Variants in SERPINB10 observed in about 807,000 individuals in gnomAD.
SERPINB10 encodes the protein serpin family B member 10, also known as serpin B10.
A neutral mutation model predicts 39.1 loss-of-function variants in SERPINB10; 35 were observed. That is an observed-to-expected ratio of 0.90 (90% CI 0.68 to 1.19). The LOEUF is 1.19. Ranked by LOEUF, SERPINB10 falls within the 50% of genes most tolerant of loss-of-function variation. SERPINB10 has a pLI of 0.00. For missense variants in SERPINB10, 546 were observed against 460.5 expected, an observed-to-expected ratio of 1.19 and a Z score of -1.70; for synonymous variants, 190 against 158.1, an observed-to-expected ratio of 1.20 and a Z score of -1.52.
intron 1 of SERPINB10, among the ~76,000 whole-genome samples, chr18:63,910,924 G>A (rs567567143): frequency 2.1e-4 from 32 of 151,958 alleles, no homozygotes; most frequent in African/African-American, 7.5e-4. Context: ...CATCAACAGT[G>A]TACCCTTTTC....
At chr18:63,920,571 T>A (rs1405950906) in intron 5 of SERPINB10, among the ~76,000 whole-genome samples, 1 of 151,890 alleles carries the variant, frequency 6.6e-6, no homozygotes, top group Non-Finnish European at 1.5e-5. Flanking sequence ...CAGCAGGAAG[T>A]GGGGAAAAGA....
chr18:63,926,969 C>T (rs62097496), intron 5 of SERPINB10, among the ~76,000 whole-genome samples: 1 of 151,856 alleles, frequency 6.6e-6, no homozygotes, highest in Non-Finnish European at 1.5e-5. Context: ...TAATTTTTAG[C>T]GTAATAGTGT....
chr18:63,908,534 C>A (rs1482468926), intron 1 of SERPINB10, among the ~76,000 whole-genome samples: 1 of 152,026 alleles, frequency 6.6e-6, no homozygotes, highest in Admixed American at 6.6e-5. Flanking sequence ...GTTACCCCCA[C>A]AAACCCAAAA....
At chr18:63,910,862 C>T (rs2144716689) in intron 1 of SERPINB10, among the ~76,000 whole-genome samples, 1 of 151,884 alleles carries the variant, frequency 6.6e-6, no homozygotes, top group African/African-American at 2.4e-5. Flanking sequence ...TTCTAACTTC[C>T]TTGGGAAATC....
chr18:63,908,171 C>A (rs2050039053), intron 1 of SERPINB10, 131 bp downstream of exon 1: 1 of 191,562 alleles, frequency 5.2e-6, no homozygotes, highest in Admixed American at 6.4e-5. Flanking sequence ...AAGGCCCAAT[C>A]CCTTAAGAAT....
At chr18:63,926,271 G>A (rs147924329) in intron 5 of SERPINB10, among the ~76,000 whole-genome samples, 2 of 152,008 alleles carry the variant, frequency 1.3e-5, no homozygotes, top group African/African-American at 4.8e-5. Flanking sequence ...GCTTCCTCTT[G>A]TTATCTGTAT....
At chr18:63,930,272 G>T (rs375848816) in intron 6 of SERPINB10, 85 bp downstream of exon 6, 1 of 1,429,836 alleles carries the variant, frequency 7.0e-7, no homozygotes, top group Non-Finnish European at 9.6e-7. Flanking sequence ...CTTTTAGATT[G>T]TATGTTCTAG....
intron 6 of SERPINB10, among the ~76,000 whole-genome samples, chr18:63,931,926 C>T (rs1305692817): frequency 1.3e-5 from 2 of 152,164 alleles, no homozygotes; most frequent in African/African-American, 4.8e-5. Context: ...ATCCATTCCC[C>T]CTAAATTCCT....
In SERPINB10 at chr18:63,920,704, C is replaced by T. The variant is rs369118927; in HGVS notation, c.490+799C>T. On this transcript the variant is annotated intron_variant, in intron 5 of 7. Transcript: ENST00000238508. ...ACACTTTCTGCTAGGGTGACCAGTGCATTCTGGTTTGCCTGTGACTTTCCT... is the reference window on the plus strand; with the variant it reads ...ACACTTTCTGCTAGGGTGACCAGTGTATTCTGGTTTGCCTGTGACTTTCCT... Among the ~76,000 whole-genome samples, 16 of 152,142 alleles carry T rather than the reference C, an allele frequency of 1.1e-4. No individual in the cohort carries two copies. In the East Asian group the frequency reaches 2.7e-3, roughly 26 times the overall value.
chr18:63,917,348 A>G (rs183003572), intron 2 of SERPINB10, 108 bp from the exon 3 acceptor site: 57 of 563,220 alleles, frequency 1.0e-4, no homozygotes, highest in Admixed American at 7.5e-4. Context: ...TTAACTAATT[A>G]TATGTTCTGC....
chr18:63,917,514 G>T lies in SERPINB10; in HGVS notation c.227G>T (p.Arg76Met). ...VKCDPESEKK[R>M]KMEFNLSNSE... The stretch of plus-strand genomic sequence containing the variant: ...TGTGACCCTGAAAGTGAAAAAAAAA[G>T]GAAAATGGTATATCTTATCCTTTAA... The change falls in exon 3 of 8, where the codon AGG (arginine) becomes ATG (methionine). Residue 76 changes from arginine to methionine, a missense_variant. By Grantham distance (91) the Arg-to-Met change is moderately conservative (BLOSUM62 -1). Transcript: ENST00000238508. The T allele has an allele frequency of 6.5e-7, 1 of 1,543,822 alleles. No homozygotes were observed. Among genetic ancestry groups the T allele is most frequent in the Non-Finnish European group, 8.8e-7 (1 of 1,132,864 alleles).
In SERPINB10 at chr18:63,935,801, C is replaced by G. The variant is rs984402882; in HGVS notation, c.*559C>G. 2.0e-5 allele frequency: 3 copies of G among 152,092 alleles called. No individual in the cohort carries two copies. The highest frequency in any genetic ancestry group is 7.2e-5 in the African/African-American group (3 of 41,402). 9.4% of individuals were successfully genotyped at this position (152,092 alleles called of 1,614,324 possible). On this transcript the variant is annotated 3_prime_UTR_variant, in exon 8 of 8. Coordinates refer to ENST00000238508, the MANE Select transcript of SERPINB10 (RefSeq NM_005024.3). ...CTCCAACCTGGGCAACAGAGCAAGA[C>G]CCTGTCTCAAAAAAATCATTTTGGT...
intron 2 of SERPINB10, among the ~76,000 whole-genome samples, chr18:63,917,133 G>C (rs1455177923): frequency 6.6e-6 from 1 of 151,934 alleles, no homozygotes; most frequent in Non-Finnish European, 1.5e-5. Context: ...TGGACACCTA[G>C]CATTCTTCTT....
chr18:63,910,534 A>T (rs1298238424), intron 1 of SERPINB10, among the ~76,000 whole-genome samples: 1 of 151,954 alleles, frequency 6.6e-6, no homozygotes, highest in East Asian at 1.9e-4. Flanking sequence ...CTTATGTCCC[A>T]CTTATAAATG....
chr18:63,921,711 T>C (rs1411514308), intron 5 of SERPINB10, among the ~76,000 whole-genome samples: 1 of 151,922 alleles, frequency 6.6e-6, no homozygotes, highest in Non-Finnish European at 1.5e-5. Flanking sequence ...CCATGACCTA[T>C]GGGATCAACA....
chr18:63,933,433 G>A (rs1276536382), intron 7 of SERPINB10, among the ~76,000 whole-genome samples: 2 of 152,086 alleles, frequency 1.3e-5, no homozygotes, highest in South Asian at 2.1e-4. Flanking sequence ...CCTCAGAAAG[G>A]TTAGGCAATG....
At position 63,917,462 on chromosome 18, in the gene SERPINB10, C is replaced by A; in HGVS notation, c.175C>A (p.Gln59Lys). 5 of 1,568,930 alleles carry A rather than the reference C, an allele frequency of 3.2e-6. No individual in the cohort carries two copies. The highest frequency in any genetic ancestry group is 3.5e-6 in the Non-Finnish European group (4 of 1,156,060). Residue 59 changes from glutamine to lysine, a missense_variant, in exon 3 of 8, where the codon CAA becomes AAA. Transcript: ENST00000238508. ...TTAAQMAQVL[Q>K]FNRDQGVKCD... ...ATTTTTATTGAAATTACAGGTGCTT[C>A]AATTTAACAGAGACCAGGGAGTCAA...
intron 1 of SERPINB10, among the ~76,000 whole-genome samples, chr18:63,908,288 T>C (rs1009021663): frequency 2.6e-5 from 4 of 152,034 alleles, no homozygotes; most frequent in Non-Finnish European, 5.9e-5. Context: ...GAGAAATTGT[T>C]TTTCTAGGAA....
chr18:63,929,712 C>CAA (rs74169990), intron 5 of SERPINB10, among the ~76,000 whole-genome samples: 48 of 97,348 alleles, frequency 4.9e-4, no homozygotes, highest in Non-Finnish European at 9.4e-4. Context: ...AGCTAAAGTG[C>CAA]AAAAAAAAAA....
Sources: allele counts gnomAD v4.1 joint callset (sites outside exome capture counted in the v4.1 genomes callset), GRCh38; gene constraint gnomAD v4.1.1; transcripts MANE v1.5; gene names NCBI Gene and HGNC (gene_info 2026-07-23, HGNC 2026-07-21).